The following OS9 variants were observed in gnomAD, a reference collection of about 807,000 sequenced individuals.
The protein encoded by OS9 is protein OS-9.
A neutral mutation model predicts 84.7 loss-of-function variants in OS9; 58 were observed. The ratio of observed to expected loss-of-function variants is 0.68; its 90% CI spans 0.55 to 0.85. OS9 has a LOEUF of 0.85. OS9 is among the 40% of genes least tolerant of loss of function. OS9 has a pLI of 0.00. For synonymous variants in OS9, 278 were observed against 320.8 expected, an observed-to-expected ratio of 0.87 and a Z score of 1.43; for missense variants, 760 against 850.9, an observed-to-expected ratio of 0.89 and a Z score of 1.33.
At position 57,720,985 on chromosome 12, in the gene OS9, C is replaced by T; in HGVS notation, c.*76C>T. The stretch of plus-strand genomic sequence containing the variant: ...GCTTGCCTCCTCCCCACCTCCCCAC[C>T]CTGGAACCCCTGAGGGCCAAACAGC... On this transcript the variant is annotated 3_prime_UTR_variant, in exon 15 of 15. Coordinates refer to ENST00000315970, the MANE Select transcript of OS9 (RefSeq NM_006812.4). The T allele has an allele frequency of 6.5e-7, 1 of 1,546,670 alleles. No homozygotes were observed. The highest frequency in any genetic ancestry group is 1.4e-5 in the African/African-American group (1 of 73,730).
chr12:57,704,611 G>GT (rs1226815174), intron 5 of OS9, among the ~76,000 whole-genome samples: 106 of 152,004 alleles, frequency 7.0e-4, no homozygotes, highest in Non-Finnish European at 1.5e-4. Context: ...TGATATTATG[G>GT]TAATGCCAGC....
chr12:57,706,682 CA>C (rs961615662), intron 5 of OS9, among the ~76,000 whole-genome samples: 29 of 149,550 alleles, frequency 1.9e-4, no homozygotes, highest in Admixed American at 5.3e-4. Flanking sequence ...TCCTGTCTCT[CA>C]AAAAAAAAGT....
At chr12:57,718,871 C>T in intron 11 of OS9, 122 bp from the exon 12 acceptor site, 1 of 738,078 alleles carries the variant, frequency 1.4e-6, no homozygotes, top group Non-Finnish European at 2.3e-6. Context: ...CACCACTGTA[C>T]TCCAGCCTGG....
chr12:57,718,573 T>TCA (rs1463488458), intron 11 of OS9, 152 bp downstream of exon 11: 2 of 825,428 alleles, frequency 2.4e-6, no homozygotes, highest in Non-Finnish European at 3.7e-6. Flanking sequence ...TCGGGGCTGT[T>TCA]GGGGAAGGGG....
At position 57,715,772 on chromosome 12, in the gene OS9, G is replaced by C. The variant is rs766490954; in HGVS notation, c.592G>C (p.Glu198Gln). 1 of 1,605,526 alleles carries C rather than the reference G, an allele frequency of 6.2e-7. No homozygotes were observed. Among genetic ancestry groups the C allele is most frequent in the Non-Finnish European group, 8.5e-7 (1 of 1,175,418 alleles). ...REAEVRFLCD[E>Q]GAGISGDYID... is the part of the protein sequence containing the mutation. Reference sequence around the variant, plus strand: ...TCTGTCCTGGCAGTTCCTCTGTGACGAGGGTGCAGGTATCTCTGGGGACTA... The same window carrying C: ...TCTGTCCTGGCAGTTCCTCTGTGACCAGGGTGCAGGTATCTCTGGGGACTA... Residue 198 changes from glutamate (E) to glutamine (Q), a missense_variant, in exon 6 of 15, where the codon GAG becomes CAG. Glu to Gln is a conservative substitution (Grantham distance 29). Coordinates refer to ENST00000315970, the MANE Select transcript of OS9 (RefSeq NM_006812.4).
chr12:57,707,786 T>G (rs911406633), intron 5 of OS9, among the ~76,000 whole-genome samples: 2 of 152,194 alleles, frequency 1.3e-5, no homozygotes, highest in Non-Finnish European at 2.9e-5. Context: ...AACTTGAATT[T>G]TTTTTAACAT....
chr12:57,713,122 T>C lies in OS9; in HGVS notation c.580-2638T>C, dbSNP rs555238695. 4.6e-5 allele frequency among the ~76,000 whole-genome samples: 7 copies of C among 152,336 alleles called. No individual in the cohort carries two copies. The South Asian group carries it at 1.4e-3, about 32-fold the overall frequency. ...CTGGTTCTCTCTGTTAAACTAGCTG[T>C]CCCAAGGTTTAGCCTGTTGCTATCA... is the stretch of plus-strand genomic sequence containing the variant. On this transcript the variant is annotated intron_variant, in intron 5 of 14. Coordinates refer to ENST00000315970, the MANE Select transcript of OS9 (RefSeq NM_006812.4).
chr12:57,718,920 C>A, intron 11 of OS9, 73 bp from the exon 12 acceptor site: 1 of 1,092,966 alleles, frequency 9.1e-7, no homozygotes, highest in Non-Finnish European at 1.4e-6. Context: ...TCAGACTCTC[C>A]TACAGAGCCC....
intron 5 of OS9, among the ~76,000 whole-genome samples, chr12:57,700,676 T>C (rs962162193): frequency 6.6e-6 from 1 of 152,076 alleles, no homozygotes; most frequent in African/African-American, 2.4e-5. Context: ...TTTATTGGTG[T>C]GTGTTTTAAG....
Position 57,720,160 on chromosome 12 carries a change from T to C in OS9, c.1662T>C (p.Asn554=), listed in dbSNP as rs780676649. The change falls in exon 13 of 15, where the codon AAT becomes AAC. Residue 554 remains asparagine, a synonymous_variant. Transcript: ENST00000315970. The part of the protein sequence containing the change: ...RVTKLRLGGP[N]QDLTVLEMKR... ...CCAAGCTCCGTCTCGGAGGCCCTAATCAGGATCTGACTGTCCTCGAGATGA... is the reference window on the plus strand; with the variant it reads ...CCAAGCTCCGTCTCGGAGGCCCTAACCAGGATCTGACTGTCCTCGAGATGA... 6 of 1,614,040 alleles carry C rather than the reference T, an allele frequency of 3.7e-6. No homozygotes were observed. The highest frequency in any genetic ancestry group is 3.3e-5 in the Admixed American group (2 of 60,006).
At chr12:57,707,269 A>T (rs1312322684) in intron 5 of OS9, among the ~76,000 whole-genome samples, 4 of 152,152 alleles carry the variant, frequency 2.6e-5, no homozygotes, top group African/African-American at 4.8e-5. Flanking sequence ...GTATTAGTCC[A>T]TTCTCACATT....
intron 2 of OS9, 87 bp from the exon 3 acceptor site, chr12:57,695,693 G>T: frequency 1.2e-6 from 1 of 829,312 alleles, no homozygotes; most frequent in Non-Finnish European, 2.2e-6. Flanking sequence ...TAGATGAGAG[G>T]TTATGTGTCT....
intron 7 of OS9, 105 bp from the exon 8 acceptor site, chr12:57,716,307 C>T (rs989669207): frequency 1.6e-5 from 18 of 1,097,004 alleles, no homozygotes; most frequent in Non-Finnish European, 2.4e-5. Context: ...TACCATGGGC[C>T]CTCCTCCCTT....
At chr12:57,696,659 G>A (rs1022758526) in intron 5 of OS9, among the ~76,000 whole-genome samples, 1 of 152,098 alleles carries the variant, frequency 6.6e-6, no homozygotes, top group African/African-American at 2.4e-5. Flanking sequence ...AGCCGGGCGT[G>A]GTAGCGGGTG....
intron 5 of OS9, among the ~76,000 whole-genome samples, chr12:57,704,204 G>T (rs1224163902): frequency 6.6e-6 from 1 of 152,100 alleles, no homozygotes; most frequent in Non-Finnish European, 1.5e-5. Flanking sequence ...AATTTGGTTT[G>T]CTACCATTTA....
chr12:57,703,232 T>C (rs898176062), intron 5 of OS9, among the ~76,000 whole-genome samples: 4 of 152,176 alleles, frequency 2.6e-5, no homozygotes, highest in African/African-American at 9.6e-5. Context: ...TTTATAGTTT[T>C]AGCTCTTAAA....
At chr12:57,697,964 CA>C (rs1420005759) in intron 5 of OS9, among the ~76,000 whole-genome samples, 2 of 148,008 alleles carry the variant, frequency 1.4e-5, no homozygotes, top group African/African-American at 5.0e-5. Context: ...CACACACACA[CA>C]CCCTATTGCT....
At position 57,719,097 on chromosome 12, in the gene OS9, G is replaced by A. The variant is rs139074856; in HGVS notation, c.1515G>A (p.Glu505=). ...TCAACAAACTCATCAAAAGACTGGA[G>A]GAAAAACAGAGTCCAGAGCTGGTGA... is the stretch of plus-strand genomic sequence containing the variant. ...STLNKLIKRL[E]EKQSPELVKK... is the part of the protein sequence containing the mutation. The change falls in exon 12 of 15, where the codon GAG becomes GAA. Residue 505 remains glutamate (E), a synonymous_variant. Coordinates refer to ENST00000315970, the MANE Select transcript of OS9 (RefSeq NM_006812.4). The A allele has an allele frequency of 7.7e-5, 124 of 1,613,974 alleles. No homozygotes were observed. The highest frequency in any genetic ancestry group is 1.7e-5 in the Non-Finnish European group (20 of 1,180,034).
At chr12:57,711,771 A>C (rs1301036266) in intron 5 of OS9, among the ~76,000 whole-genome samples, 1 of 152,180 alleles carries the variant, frequency 6.6e-6, no homozygotes, top group Non-Finnish European at 1.5e-5. Flanking sequence ...TACATTGTAC[A>C]TATATGCATG....
Sources: gnomAD v4.1 joint callset for allele counts (sites outside exome capture counted in the v4.1 genomes callset) on GRCh38, gnomAD v4.1.1 for gene constraint, MANE v1.5 for transcripts, NCBI Gene and HGNC (gene_info 2026-07-23, HGNC 2026-07-21) for gene names.